The following FGD1 variants were observed in gnomAD, a reference collection of about 807,000 sequenced individuals.
The protein encoded by FGD1 is FYVE, RhoGEF and PH domain containing 1, also known as FYVE, RhoGEF and PH domain-containing protein 1.
A neutral mutation model predicts 65.0 loss-of-function variants in FGD1; 12 were observed. That is an observed-to-expected ratio of 0.18 (90% CI 0.12 to 0.30). FGD1 has a LOEUF of 0.30. Among genes scored for constraint, FGD1 ranks in the 10% least tolerant of loss-of-function variants. The pLI is 1.00. For synonymous variants in FGD1, 333 were observed against 343.9 expected, an observed-to-expected ratio of 0.97 and a Z score of 0.35; for missense variants, 542 against 837.6, an observed-to-expected ratio of 0.65 and a Z score of 4.36.
chrX:54,446,431 CAG>C lies in FGD1; in HGVS notation c.2581-19_2581-18del. On this transcript the variant is annotated intron_variant, in intron 17 of 17. Coordinates refer to ENST00000375135, the MANE Select transcript of FGD1 (RefSeq NM_004463.3). The stretch of plus-strand genomic sequence containing the variant: ...TTTCACATCCTGGCGGGAGGAGGGA[CAG>C]AGCTGGGGCCACCTTGGGGCTAGAC... 3 of 1,202,046 alleles carry C rather than the reference CAG, an allele frequency of 2.5e-6. No individual in the cohort carries two copies. The highest frequency in any genetic ancestry group is 3.4e-6 in the Non-Finnish European group (3 of 889,655).
At chrX:54,481,764 G>A (rs973039898) in intron 1 of FGD1, among the ~76,000 whole-genome samples, 21 of 108,489 alleles carry the variant, frequency 1.9e-4, no homozygotes, top group Non-Finnish European at 3.8e-4. Flanking sequence ...AAGGGAAGAA[G>A]AGTGGGCAAA....
At chrX:54,487,740 AG>A (rs1285433675) in intron 1 of FGD1, among the ~76,000 whole-genome samples, 5 of 110,991 alleles carry the variant, frequency 4.5e-5, no homozygotes, top group Non-Finnish European at 9.4e-5. Context: ...ACCTGAGGTC[AG>A]GAGTTCGAGA....
intron 12 of FGD1, among the ~76,000 whole-genome samples, chrX:54,452,110 T>C (rs1038176246): frequency 8.6e-5 from 9 of 105,164 alleles, no homozygotes; most frequent in African/African-American, 3.1e-4. Context: ...CTACAAAAAA[T>C]ACGAAAATTA....
chrX:54,458,165 C>T (rs1922548293), intron 8 of FGD1, among the ~76,000 whole-genome samples: 1 of 112,337 alleles, frequency 8.9e-6, no homozygotes, highest in Non-Finnish European at 1.9e-5. Context: ...AGCTTTCTCA[C>T]ACAGTTTACT....
At position 54,464,967 on chromosome X, in the gene FGD1, A is replaced by G. The variant is rs775171332; in HGVS notation, c.1636+484T>C. Reference sequence around the variant, plus strand: ...TGATGTGGGCTTGGCCTGAGGGGTCAGTCTGGCCTCTCAGCTTGGTGGCTC... The same window carrying G: ...TGATGTGGGCTTGGCCTGAGGGGTCGGTCTGGCCTCTCAGCTTGGTGGCTC... On this transcript the variant is annotated intron_variant, in intron 8 of 17. Coordinates refer to ENST00000375135, the MANE Select transcript of FGD1 (RefSeq NM_004463.3). Among the ~76,000 whole-genome samples the G allele has an allele frequency of 6.4e-4, 70 of 109,159 alleles. 1 individual carries two copies. Among genetic ancestry groups the G allele is most frequent in the Non-Finnish European group, 7.8e-4 (41 of 52,416 alleles). 94.8% of individuals were successfully genotyped at this position (109,159 alleles called of 115,157 possible).
intron 1 of FGD1, among the ~76,000 whole-genome samples, chrX:54,493,664 GCACT>G (rs1325420958): frequency 8.9e-6 from 1 of 111,885 alleles, no homozygotes; most frequent in African/African-American, 3.2e-5. Flanking sequence ...CTGCAAAAAG[GCACT>G]GGCTTTACAC....
intron 1 of FGD1, among the ~76,000 whole-genome samples, chrX:54,481,373 T>C (rs1228147842): frequency 9.6e-6 from 1 of 104,191 alleles, no homozygotes; most frequent in East Asian, 3.0e-4. Context: ...TGTTCACTTT[T>C]TAGTAGAGGA....
intron 1 of FGD1, among the ~76,000 whole-genome samples, chrX:54,483,228 C>A (rs975533651): frequency 3.6e-5 from 4 of 111,689 alleles, no homozygotes; most frequent in Non-Finnish European, 7.6e-5. Context: ...GTGAAAGTGA[C>A]CCCAGCCTTC....
intron 1 of FGD1, among the ~76,000 whole-genome samples, chrX:54,483,082 G>A (rs1457653854): frequency 8.9e-6 from 1 of 111,993 alleles, no homozygotes. Context: ...AGAAAGTGGC[G>A]GACCTGGGTC....
chrX:54,492,502 G>A (rs1923433879), intron 1 of FGD1, among the ~76,000 whole-genome samples: 2 of 111,257 alleles, frequency 1.8e-5, no homozygotes, highest in African/African-American at 6.5e-5. Flanking sequence ...TGCCCTCTTA[G>A]GGCCAATTAT....
At chrX:54,469,973 G>A in intron 4 of FGD1, 43 bp downstream of exon 4, 1 of 1,157,086 alleles carries the variant, frequency 8.6e-7, no homozygotes, top group Non-Finnish European at 1.2e-6. Context: ...GCGCTTCCAG[G>A]TTCTCCACAT....
At chrX:54,462,466 C>T (rs1301117635) in intron 8 of FGD1, among the ~76,000 whole-genome samples, 1 of 103,227 alleles carries the variant, frequency 9.7e-6, no homozygotes, top group Non-Finnish European at 2.0e-5. Context: ...GATCTTGGCT[C>T]ACTGCAGCCT....
chrX:54,485,879 A>T (rs751229621), intron 1 of FGD1, among the ~76,000 whole-genome samples: 2 of 109,422 alleles, frequency 1.8e-5, no homozygotes, highest in Admixed American at 9.8e-5. Context: ...GGTTCAAGCA[A>T]TTCTCCTGCC....
At position 54,488,492 on chromosome X, in the gene FGD1, G is replaced by A. The variant is rs771839830; in HGVS notation, c.307+6634C>T. Among the ~76,000 whole-genome samples, 4 of 108,141 alleles carry A rather than the reference G, an allele frequency of 3.7e-5. No individual in the cohort carries two copies. In the East Asian group the frequency reaches 1.2e-3, roughly 32 times the overall value. 93.9% of individuals were successfully genotyped at this position (108,141 alleles called of 115,157 possible). A position where few individuals can be genotyped will look rare whatever the true frequency, so the allele number is the denominator to read the frequency against. ...CCCAGCTACTTGGGAGACTGAGGCA[G>A]GAGAATTGCTTGAACCCGGGAGGCG... On this transcript the variant is annotated intron_variant, in intron 1 of 17. Coordinates refer to ENST00000375135, the MANE Select transcript of FGD1 (RefSeq NM_004463.3).
In FGD1 at chrX:54,456,643, T is replaced by G; in HGVS notation, c.1637-76A>C. ...TTTCCGGGGCTTTGTTTTTTGTTTT[T>G]TTTTTTTGAGACGGAGTCTCACTCT... On this transcript the variant is annotated intron_variant, in intron 8 of 17. Transcript: ENST00000375135. 6 of 891,802 alleles carry G rather than the reference T, an allele frequency of 6.7e-6. No individual in the cohort carries two copies. In the South Asian group the frequency reaches 1.2e-4, roughly 17 times the overall value. 73.5% of individuals were successfully genotyped at this position (891,802 alleles called of 1,213,427 possible). A position where few individuals can be genotyped will look rare whatever the true frequency, so the allele number is the denominator to read the frequency against.
At chrX:54,491,135 C>A (rs1264564825) in intron 1 of FGD1, among the ~76,000 whole-genome samples, 4 of 111,656 alleles carry the variant, frequency 3.6e-5, no homozygotes, top group Non-Finnish European at 5.6e-5. Flanking sequence ...AGCCCTATTC[C>A]CCAGTGCCCC....
At chrX:54,449,360 TGGGGTGGGGATGGGCTG>T in intron 14 of FGD1, 92 bp from the exon 15 acceptor site, 1 of 1,097,252 alleles carries the variant, frequency 9.1e-7, no homozygotes, top group Non-Finnish European at 1.2e-6. Context: ...TGGATTATCA[TGGGGTGGGGATGGGCTG>T]GGGGTAGGGG....
intron 1 of FGD1, among the ~76,000 whole-genome samples, chrX:54,476,808 G>A (rs1923029980): frequency 1.8e-5 from 2 of 110,209 alleles, no homozygotes; most frequent in African/African-American, 6.6e-5. Flanking sequence ...AAAAGCCCCC[G>A]TCACACACAT....
intron 1 of FGD1, among the ~76,000 whole-genome samples, chrX:54,493,039 T>C (rs1206748281): frequency 9.0e-6 from 1 of 110,684 alleles, no homozygotes; most frequent in Non-Finnish European, 1.9e-5. Context: ...GGAAGGGTAT[T>C]ATGATTTGTA....
Sources: gnomAD v4.1 joint callset for allele counts (sites outside exome capture counted in the v4.1 genomes callset) on GRCh38, gnomAD v4.1.1 for gene constraint, MANE v1.5 for transcripts, NCBI Gene and HGNC (gene_info 2026-07-23, HGNC 2026-07-21) for gene names.